LYPD6B: variants seen among roughly 807,000 people sequenced by gnomAD.
LYPD6B encodes the protein ly6/PLAUR domain-containing protein 6B.
LYPD6B carries 17 observed loss-of-function variants against 22.8 expected under a neutral mutation model. The ratio of observed to expected loss-of-function variants is 0.75; its 90% CI spans 0.51 to 1.12. The LOEUF (loss-of-function observed/expected upper bound fraction) is 1.12, where lower values mean the gene tolerates loss of function less well. Among genes scored for constraint, LYPD6B ranks in the 50% most tolerant of loss-of-function variants. The probability of loss-of-function intolerance (pLI) is 0.00; values close to 1 mark genes in which losing one functional copy is unlikely to be tolerated. For missense variants in LYPD6B, 221 were observed against 258.3 expected, an observed-to-expected ratio of 0.86 and a Z score of 0.99; for synonymous variants, 106 against 91.6, an observed-to-expected ratio of 1.16 and a Z score of -0.90.
At chr2:149,208,076 G>A (rs1693612640) in intron 4 of LYPD6B, among the ~76,000 whole-genome samples, 1 of 152,012 alleles carries the variant, frequency 6.6e-6, no homozygotes, top group South Asian at 2.1e-4. Context: ...GTAGCTGTGG[G>A]ACCACTTTCA....
intron 6 of LYPD6B, among the ~76,000 whole-genome samples, chr2:149,213,501 A>G (rs924172845): frequency 2.6e-5 from 4 of 152,242 alleles, no homozygotes; most frequent in Non-Finnish European, 5.9e-5. Context: ...GTTTAATATG[A>G]TGAACTGTAG....
intron 3 of LYPD6B, among the ~76,000 whole-genome samples, chr2:149,162,691 C>T (rs933513685): frequency 1.3e-5 from 2 of 152,128 alleles, no homozygotes; most frequent in African/African-American, 4.8e-5. Flanking sequence ...TAAAAGGTGC[C>T]AGTTGTAGTC....
intron 1 of LYPD6B, among the ~76,000 whole-genome samples, chr2:149,095,734 G>A (rs1204407235): frequency 6.6e-6 from 1 of 151,840 alleles, no homozygotes; most frequent in Non-Finnish European, 1.5e-5. Flanking sequence ...AGCCAGGGAG[G>A]GTGTTGGAAG....
intron 1 of LYPD6B, among the ~76,000 whole-genome samples, chr2:149,105,990 T>G (rs1686452192): frequency 6.6e-6 from 1 of 152,152 alleles, no homozygotes; most frequent in Non-Finnish European, 1.5e-5. Context: ...CTGAGAGTTT[T>G]TATTGGGAAT....
intron 1 of LYPD6B, among the ~76,000 whole-genome samples, chr2:149,090,014 A>G (rs1459443088): frequency 3.3e-5 from 5 of 152,102 alleles, no homozygotes; most frequent in African/African-American, 1.2e-4. Flanking sequence ...AGAGTGTGTG[A>G]TGGGGATGGA....
intron 1 of LYPD6B, among the ~76,000 whole-genome samples, chr2:149,128,228 T>C (rs1181909696): frequency 6.6e-6 from 1 of 152,228 alleles, no homozygotes; most frequent in Non-Finnish European, 1.5e-5. Flanking sequence ...ACATCTGTCA[T>C]GTAACAAACT....
At chr2:149,067,102 C>A (rs1457167800) in intron 1 of LYPD6B, among the ~76,000 whole-genome samples, 1 of 152,142 alleles carries the variant, frequency 6.6e-6, no homozygotes, top group Non-Finnish European at 1.5e-5. Flanking sequence ...AGGACAATGG[C>A]TTCTAGCCAC....
Position 149,213,851 on chromosome 2 carries a change from C to T in LYPD6B, c.460-695C>T, listed in dbSNP as rs143361318. 5.8e-3 allele frequency among the ~76,000 whole-genome samples: 880 copies of T among 152,170 alleles called. 7 individuals are homozygous for T. Among genetic ancestry groups the T allele is most frequent in the Non-Finnish European group, 8.1e-3 (549 of 68,004 alleles). Reference sequence around the variant, plus strand: ...GTCAGGATCTTTTTAAAAAGTTCCCCGAGGTGATTCTGATGTGCAGCCAGG... The same window carrying T: ...GTCAGGATCTTTTTAAAAAGTTCCCTGAGGTGATTCTGATGTGCAGCCAGG... On this transcript the variant is annotated intron_variant, in intron 6 of 6. Transcript: ENST00000409642.
At chr2:149,070,798 G>A (rs1347235139) in intron 1 of LYPD6B, among the ~76,000 whole-genome samples, 2 of 152,178 alleles carry the variant, frequency 1.3e-5, no homozygotes, top group African/African-American at 2.4e-5. Context: ...GGTGTATAGA[G>A]GCATGTTCTG....
At chr2:149,133,405 T>C (rs910145947) in intron 2 of LYPD6B, among the ~76,000 whole-genome samples, 4 of 152,236 alleles carry the variant, frequency 2.6e-5, no homozygotes, top group Non-Finnish European at 4.4e-5. Context: ...CTTTCCTTCC[T>C]CCCTGTCCTT....
At chr2:149,126,848 C>A (rs986433457) in intron 1 of LYPD6B, among the ~76,000 whole-genome samples, 1 of 152,130 alleles carries the variant, frequency 6.6e-6, no homozygotes, top group Admixed American at 6.5e-5. Context: ...TGTGTTCAAC[C>A]TTTTTCTTCT....
At chr2:149,075,800 A>G (rs915270068) in intron 1 of LYPD6B, among the ~76,000 whole-genome samples, 2 of 152,252 alleles carry the variant, frequency 1.3e-5, no homozygotes. Flanking sequence ...AATGTCATAT[A>G]TTCTGAAAAG....
intron 1 of LYPD6B, among the ~76,000 whole-genome samples, chr2:149,055,421 G>A (rs532347328): frequency 1.7e-4 from 26 of 152,256 alleles, no homozygotes; most frequent in African/African-American, 5.3e-4. Context: ...CTACCAAAAA[G>A]GCCAGCTGGA....
intron 2 of LYPD6B, chr2:149,141,972 AG>A (rs1359966035): frequency 1.3e-5 from 2 of 152,230 alleles, no homozygotes; most frequent in African/African-American, 4.8e-5. Flanking sequence ...GAGAGAAAAT[AG>A]TACTAATTTG....
intron 2 of LYPD6B, among the ~76,000 whole-genome samples, chr2:149,150,914 A>C (rs1176611096): frequency 6.7e-6 from 1 of 149,620 alleles, no homozygotes; most frequent in African/African-American, 2.5e-5. Flanking sequence ...GATTTTTTTA[A>C]ATTTTCTAAT....
intron 2 of LYPD6B, among the ~76,000 whole-genome samples, chr2:149,131,799 G>A (rs564694724): frequency 6.6e-6 from 1 of 152,236 alleles, no homozygotes; most frequent in South Asian, 2.1e-4. Flanking sequence ...CAAACATAAA[G>A]CAAAGGACAT....
chr2:149,093,738 C>T (rs1469137113), intron 1 of LYPD6B, among the ~76,000 whole-genome samples: 1 of 152,156 alleles, frequency 6.6e-6, no homozygotes, highest in Non-Finnish European at 1.5e-5. Flanking sequence ...TTCTGCATTT[C>T]TTGCATATAT....
intron 4 of LYPD6B, among the ~76,000 whole-genome samples, chr2:149,205,759 A>T (rs374631544): frequency 1.6e-4 from 25 of 152,330 alleles, no homozygotes; most frequent in African/African-American, 5.5e-4. Context: ...TGATCTATTA[A>T]TTCTTTCAAA....
Position 149,214,705 on chromosome 2 carries a change from C to T in LYPD6B, c.619C>T (p.Leu207=). Residue 207 remains leucine, a synonymous_variant, in exon 7 of 7, where the codon CTG becomes TTG. Transcript: ENST00000409642. ...TGCCTGGGTCTTTGTGCTTCCATTG[C>T]TGTGATGCCACCATTCCTAGGAGAG... is the stretch of plus-strand genomic sequence containing the variant. ...VLAWVFVLPL[L] 1 of 1,613,968 alleles carries T rather than the reference C, an allele frequency of 6.2e-7. No individual in the cohort carries two copies. Among genetic ancestry groups the T allele is most frequent in the Non-Finnish European group, 8.5e-7 (1 of 1,179,854 alleles).
Sources: gnomAD v4.1 joint callset for allele counts (sites outside exome capture counted in the v4.1 genomes callset) on GRCh38, gnomAD v4.1.1 for gene constraint, MANE v1.5 for transcripts, NCBI Gene and HGNC (gene_info 2026-07-23, HGNC 2026-07-21) for gene names.